The following SERGEF variants were observed in gnomAD, a reference collection of about 807,000 sequenced individuals.
SERGEF encodes secretion regulating guanine nucleotide exchange factor, also known as secretion-regulating guanine nucleotide exchange factor.
Under a neutral mutation model 50.0 loss-of-function variants are expected in SERGEF, and 51 were observed. The observed-to-expected ratio is 1.02, with a 90% CI of 0.81 to 1.29. The LOEUF (loss-of-function observed/expected upper bound fraction) is 1.29, where lower values mean the gene tolerates loss of function less well. Ranked by LOEUF, SERGEF falls within the 50% of genes most tolerant of loss-of-function variation. The probability of loss-of-function intolerance (pLI) is 0.00; values close to 1 mark genes in which losing one functional copy is unlikely to be tolerated. For synonymous variants in SERGEF, 205 were observed against 212.4 expected, an observed-to-expected ratio of 0.97 and a Z score of 0.30; for missense variants, 521 against 557.0, an observed-to-expected ratio of 0.94 and a Z score of 0.65.
intron 10 of SERGEF, among the ~76,000 whole-genome samples, chr11:17,865,875 A>T (rs1052326091): frequency 6.6e-6 from 1 of 152,220 alleles, no homozygotes; most frequent in African/African-American, 2.4e-5. Flanking sequence ...TATAAAGGCT[A>T]CAGTAGTATA....
At chr11:17,985,716 G>A (rs746195670) in intron 8 of SERGEF, among the ~76,000 whole-genome samples, 2 of 152,148 alleles carry the variant, frequency 1.3e-5, no homozygotes, top group Admixed American at 6.5e-5. Context: ...CTGCAGGCAG[G>A]CATCAGACAG....
intron 10 of SERGEF, among the ~76,000 whole-genome samples, chr11:17,832,378 T>C (rs1236339051): frequency 6.6e-6 from 1 of 152,348 alleles, no homozygotes; most frequent in East Asian, 1.9e-4. Context: ...TCCGCCATGA[T>C]TGTGAGGCCT....
chr11:17,804,522 C>A (rs1185451672), intron 10 of SERGEF, among the ~76,000 whole-genome samples: 1 of 151,922 alleles, frequency 6.6e-6, no homozygotes, highest in Non-Finnish European at 1.5e-5. Context: ...TTGTTAGGTG[C>A]CTTCCTTCTT....
chr11:17,937,629 C>T (rs1209211114), intron 9 of SERGEF, among the ~76,000 whole-genome samples: 6 of 152,022 alleles, frequency 3.9e-5, no homozygotes, highest in African/African-American at 1.4e-4. Context: ...TTTTGGTGTT[C>T]CACAATTCTA....
chr11:17,899,673 C>T (rs1364718035), intron 9 of SERGEF, among the ~76,000 whole-genome samples: 1 of 152,080 alleles, frequency 6.6e-6, no homozygotes, highest in Non-Finnish European at 1.5e-5. Context: ...TTTAATGAGG[C>T]CAGGTATGGT....
At chr11:17,816,695 G>A (rs563686731) in intron 10 of SERGEF, among the ~76,000 whole-genome samples, 18 of 152,282 alleles carry the variant, frequency 1.2e-4, no homozygotes, top group African/African-American at 3.8e-4. Flanking sequence ...GTGCTGAGGC[G>A]ATCCTTGTCT....
At chr11:17,827,650 C>G (rs1012062590) in intron 10 of SERGEF, among the ~76,000 whole-genome samples, 5 of 152,198 alleles carry the variant, frequency 3.3e-5, no homozygotes, top group African/African-American at 1.2e-4. Flanking sequence ...CGCCGCATCA[C>G]TGAATCTTGC....
At chr11:17,873,045 G>T (rs930570998) in intron 10 of SERGEF, among the ~76,000 whole-genome samples, 5 of 152,192 alleles carry the variant, frequency 3.3e-5, no homozygotes, top group Non-Finnish European at 7.3e-5. Context: ...GAGAGAGGGG[G>T]ATAGCATGGA....
chr11:17,809,841 G>T (rs1302696489), intron 10 of SERGEF, among the ~76,000 whole-genome samples: 1 of 152,156 alleles, frequency 6.6e-6, no homozygotes, highest in Non-Finnish European at 1.5e-5. Flanking sequence ...CCTGGTAGAT[G>T]AATCTAGAAT....
At chr11:17,978,112 C>T (rs1178597319) in intron 8 of SERGEF, among the ~76,000 whole-genome samples, 1 of 152,142 alleles carries the variant, frequency 6.6e-6, no homozygotes, top group Admixed American at 6.5e-5. Context: ...CACTTAGCCT[C>T]TCTGAGCCTC....
At chr11:17,904,679 C>T (rs888586278) in intron 9 of SERGEF, among the ~76,000 whole-genome samples, 25 of 152,166 alleles carry the variant, frequency 1.6e-4, no homozygotes, top group Non-Finnish European at 2.9e-4. Context: ...CTTTCCTTCT[C>T]CCTCTTTCTT....
intron 9 of SERGEF, among the ~76,000 whole-genome samples, chr11:17,910,186 C>A (rs940912372): frequency 9.1e-6 from 1 of 109,846 alleles, no homozygotes; most frequent in African/African-American, 3.9e-5. Flanking sequence ...CACACACACA[C>A]ACACACACTC....
intron 8 of SERGEF, among the ~76,000 whole-genome samples, chr11:17,973,422 T>C (rs759539802): frequency 6.6e-6 from 1 of 152,150 alleles, no homozygotes; most frequent in Non-Finnish European, 1.5e-5. Flanking sequence ...GAAATACTAT[T>C]TGCATCCTTG....
rs549472772 is a variant in SERGEF, at chr11:17,928,627, G to GA, written c.1011+30842dup. Among the ~76,000 whole-genome samples, 202 of 149,284 alleles carry GA rather than the reference G, an allele frequency of 1.4e-3. 1 individual carries two copies. Among genetic ancestry groups the GA allele is most frequent in the African/African-American group, 3.2e-3 (129 of 40,668 alleles). On this transcript the variant is annotated intron_variant, in intron 9 of 10. Transcript: ENST00000265965. ...TGAATGAATGAACGAACCAACCAATGAAAAAAAAACAATAAAGAAACAAGG... is the reference window on the plus strand; with the variant it reads ...TGAATGAATGAACGAACCAACCAATGAAAAAAAAAACAATAAAGAAACAAGG...
At chr11:17,849,484 C>A (rs951817888) in intron 10 of SERGEF, among the ~76,000 whole-genome samples, 1 of 152,128 alleles carries the variant, frequency 6.6e-6, no homozygotes, top group African/African-American at 2.4e-5. Context: ...AACAACCCCC[C>A]CAACCCCACC....
rs1306304232 is a variant in SERGEF at position 17,888,463 on chromosome 11, T to C, written c.1012-10219A>G. On this transcript the variant is annotated intron_variant, in intron 9 of 10. Transcript: ENST00000265965. The surrounding 1 kb of genome is among the most constrained non-coding windows in gnomAD (Gnocchi z 4.1). ...GCGTGTATCAATTCTGAAAGTATTTTGTATATATTGTGGGACCATGCAAAT... is the reference window on the plus strand; with the variant it reads ...GCGTGTATCAATTCTGAAAGTATTTCGTATATATTGTGGGACCATGCAAAT... 6.6e-6 allele frequency among the ~76,000 whole-genome samples: 1 copy of C among 152,190 alleles called. No individual in the cohort carries two copies. Among genetic ancestry groups the C allele is most frequent in the African/African-American group, 2.4e-5 (1 of 41,436 alleles).
intron 10 of SERGEF, among the ~76,000 whole-genome samples, chr11:17,807,366 C>T (rs1849780557): frequency 6.6e-6 from 1 of 150,770 alleles, no homozygotes; most frequent in South Asian, 2.1e-4. Context: ...ACCCATGCAA[C>T]AACAACACAA....
At chr11:17,792,551 A>G (rs943908406) in intron 10 of SERGEF, among the ~76,000 whole-genome samples, 1 of 152,222 alleles carries the variant, frequency 6.6e-6, no homozygotes, top group Non-Finnish European at 1.5e-5. Context: ...GGGTAGCCAA[A>G]GGACTAGAGC....
chr11:17,998,542 GTGTGTATGTGTA>G (rs1465949182), intron 5 of SERGEF, among the ~76,000 whole-genome samples: 1 of 139,932 alleles, frequency 7.1e-6, no homozygotes, highest in Admixed American at 7.4e-5. Flanking sequence ...GTGTGTGTGT[GTGTGTATGTGTA>G]TGTGTGTATT....
Sources: gnomAD v4.1 joint callset for allele counts (sites outside exome capture counted in the v4.1 genomes callset) on GRCh38, gnomAD v4.1.1 for gene constraint, Gnocchi (gnomAD v3.1) non-coding constraint, MANE v1.5 for transcripts, NCBI Gene and HGNC (gene_info 2026-07-23, HGNC 2026-07-21) for gene names.